GRM1: variants seen among roughly 807,000 people sequenced by gnomAD.
GRM1 encodes glutamate metabotropic receptor 1, also known as metabotropic glutamate receptor 1.
In GRM1, 33 loss-of-function variants were observed where a neutral mutation model predicts 90.9. The ratio of observed to expected loss-of-function variants is 0.36; its 90% CI spans 0.28 to 0.49. The LOEUF is 0.49. Among genes scored for constraint, GRM1 ranks in the 20% least tolerant of loss-of-function variants. The pLI, the probability that GRM1 is intolerant of heterozygous loss-of-function variation, is 0.99. For missense variants in GRM1, 1,190 were observed against 1,534.3 expected (o/e 0.78, Z 3.75); for synonymous variants, 700 against 613.2 (o/e 1.14, Z -2.09).
upstream of GRM1, chr6:146,027,770 T>C (rs1790541093): frequency 6.6e-6 from 1 of 152,274 alleles, no homozygotes; most frequent in South Asian, 2.1e-4. Flanking sequence ...CATAGCGCTG[T>C]CTACCCCGAC....
chr6:146,416,828 C>T (rs1325907587), intron 7 of GRM1, among the ~76,000 whole-genome samples: 3 of 152,118 alleles, frequency 2.0e-5, no homozygotes, highest in African/African-American at 7.2e-5. Context: ...ATTTTGATTC[C>T]TCAGCACCGT....
intron 2 of GRM1, among the ~76,000 whole-genome samples, chr6:146,286,584 A>G (rs1782772704): frequency 6.6e-6 from 1 of 152,232 alleles, no homozygotes; most frequent in Non-Finnish European, 1.5e-5. Context: ...AGATTTTGCC[A>G]TGTGTCAGTG....
intron 7 of GRM1, among the ~76,000 whole-genome samples, chr6:146,426,325 C>G (rs528209098): frequency 2.3e-4 from 35 of 151,712 alleles, no homozygotes; most frequent in Non-Finnish European, 4.4e-4. Flanking sequence ...CACACACACA[C>G]AGCAAAAAAA....
intron 2 of GRM1, among the ~76,000 whole-genome samples, chr6:146,187,046 A>G (rs1038207594): frequency 4.6e-5 from 7 of 152,180 alleles, no homozygotes; most frequent in Admixed American, 1.3e-4. Flanking sequence ...ATGCAATATT[A>G]CTATGTATTT....
chr6:146,139,185 T>C (rs944540390), intron 1 of GRM1, among the ~76,000 whole-genome samples: 2 of 152,152 alleles, frequency 1.3e-5, no homozygotes, highest in African/African-American at 4.8e-5. Context: ...GAAGATACTT[T>C]TTACAATTAC....
chr6:146,152,569 G>A (rs1777378717), intron 1 of GRM1, among the ~76,000 whole-genome samples: 1 of 152,162 alleles, frequency 6.6e-6, no homozygotes, highest in Non-Finnish European at 1.5e-5. Context: ...CCCTTTGGGT[G>A]AGTTACTTAA....
At chr6:146,239,075 T>A (rs966166840) in intron 2 of GRM1, among the ~76,000 whole-genome samples, 1 of 152,184 alleles carries the variant, frequency 6.6e-6, no homozygotes, top group African/African-American at 2.4e-5. Flanking sequence ...CATGCCATTC[T>A]TCTACAAAAG....
In GRM1 at chr6:146,176,737, C is replaced by A. The variant is rs536045722; in HGVS notation, c.950+17140C>A. On this transcript the variant is annotated intron_variant, in intron 2 of 7. Transcript: ENST00000282753. ...AAATAATTAGTTGATTCAATAAGTT[C>A]TTAGAAGAGGATTAAATCTTTTAAC... Among the ~76,000 whole-genome samples the A allele has an allele frequency of 9.9e-5, 15 of 152,104 alleles. No individual in the cohort carries two copies. The South Asian group carries it at 2.1e-3, about 21-fold the overall frequency.
intron 7 of GRM1, among the ~76,000 whole-genome samples, chr6:146,412,938 TTTTATTTCATCTTAG>T (rs938849383): frequency 6.6e-6 from 1 of 152,150 alleles, no homozygotes; most frequent in African/African-American, 2.4e-5. Flanking sequence ...TTCTTTTAAC[TTTTATTTCATCTTAG>T]TTCTATAATT....
intron 1 of GRM1, among the ~76,000 whole-genome samples, chr6:146,060,553 A>G (rs1251979736): frequency 2.6e-5 from 4 of 152,154 alleles, no homozygotes; most frequent in Admixed American, 2.6e-4. Flanking sequence ...CTCTAGCTCC[A>G]TCTACATTGC....
intron 6 of GRM1, among the ~76,000 whole-genome samples, chr6:146,387,717 T>G (rs994243605): frequency 6.6e-6 from 1 of 151,954 alleles, no homozygotes; most frequent in African/African-American, 2.4e-5. Flanking sequence ...AATGGTCCAG[T>G]AGGGTAGTGG....
At chr6:146,331,569 T>C (rs1362212964) in intron 3 of GRM1, among the ~76,000 whole-genome samples, 1 of 152,160 alleles carries the variant, frequency 6.6e-6, no homozygotes, top group African/African-American at 2.4e-5. Flanking sequence ...ATATCATTTG[T>C]TGCTATCAGG....
intron 2 of GRM1, among the ~76,000 whole-genome samples, chr6:146,246,931 A>C (rs925410918): frequency 6.6e-6 from 1 of 152,218 alleles, no homozygotes; most frequent in Admixed American, 6.5e-5. Context: ...TTTTGGATCC[A>C]AGTTATACAA....
chr6:146,373,563 A>G (rs548527957), intron 5 of GRM1, among the ~76,000 whole-genome samples: 1 of 152,220 alleles, frequency 6.6e-6, no homozygotes, highest in Non-Finnish European at 1.5e-5. Flanking sequence ...GGGGATTACA[A>G]TTTGATATGA....
chr6:146,122,913 C>T (rs540035437), intron 1 of GRM1, among the ~76,000 whole-genome samples: 2 of 136,872 alleles, frequency 1.5e-5, no homozygotes, highest in Admixed American at 8.3e-5. Context: ...GGGGCAATCT[C>T]GGCTCACTGC....
At chr6:146,255,375 A>G (rs775798161) in intron 2 of GRM1, among the ~76,000 whole-genome samples, 7 of 152,198 alleles carry the variant, frequency 4.6e-5, no homozygotes, top group Non-Finnish European at 1.0e-4. Flanking sequence ...TCAATCTAAT[A>G]TAATTGGATA....
intron 1 of GRM1, among the ~76,000 whole-genome samples, chr6:146,100,687 C>T (rs1180503420): frequency 6.6e-6 from 1 of 152,132 alleles, no homozygotes; most frequent in Non-Finnish European, 1.5e-5. Context: ...TCCTTTCTGC[C>T]TTATTTTTCT....
chr6:146,213,727 GATAGATA>G (rs1779761804), intron 2 of GRM1, among the ~76,000 whole-genome samples: 1 of 152,068 alleles, frequency 6.6e-6, no homozygotes, highest in East Asian at 1.9e-4. Context: ...TAGATAGATA[GATAGATA>G]GATGGATGAA....
At chr6:146,325,333 C>T (rs531176743) in intron 3 of GRM1, among the ~76,000 whole-genome samples, 36 of 152,316 alleles carry the variant, frequency 2.4e-4, no homozygotes, top group South Asian at 1.9e-3. Context: ...ATAAGTGACA[C>T]GGATGAGCAG....
Sources: gnomAD v4.1 joint callset for allele counts (sites outside exome capture counted in the v4.1 genomes callset) on GRCh38, gnomAD v4.1.1 for gene constraint, MANE v1.5 for transcripts, NCBI Gene and HGNC (gene_info 2026-07-23, HGNC 2026-07-21) for gene names.